Variants in LHFPL3 observed in about 807,000 individuals in gnomAD.
LHFPL3 encodes LHFPL tetraspan subfamily member 3.
Under a neutral mutation model 19.3 loss-of-function variants are expected in LHFPL3, and 5 were observed. That is an observed-to-expected ratio of 0.26 (90% confidence interval 0.14 to 0.54). The LOEUF (loss-of-function observed/expected upper bound fraction) is 0.54. LHFPL3 is among the 20% of genes least tolerant of loss of function. The pLI is 0.94. For synonymous variants in LHFPL3, 133 were observed against 126.2 expected (o/e 1.05, Z -0.36); for missense variants, 249 against 307.4 (o/e 0.81, Z 1.42).
chr7:104,666,474 A>C (rs566696363), intron 1 of LHFPL3, among the ~76,000 whole-genome samples: 26 of 141,400 alleles, frequency 1.8e-4, no homozygotes, highest in Non-Finnish European at 3.5e-4. Flanking sequence ...AATGACCTTC[A>C]GTTCCATTGA....
chr7:104,332,223 CT>C (rs1183733733), intron 1 of LHFPL3, among the ~76,000 whole-genome samples: 99 of 63,938 alleles, frequency 1.5e-3, no homozygotes, highest in African/African-American at 2.5e-3. Context: ...TATTTCTTTT[CT>C]TTTTTTTTTT....
At chr7:104,708,100 C>A (rs573967198) in intron 1 of LHFPL3, among the ~76,000 whole-genome samples, 1 of 152,182 alleles carries the variant, frequency 6.6e-6, no homozygotes, top group Non-Finnish European at 1.5e-5. Flanking sequence ...GCTTGTAGGG[C>A]TGGTGGAAAC....
At chr7:104,655,963 C>T (rs909171334) in intron 1 of LHFPL3, among the ~76,000 whole-genome samples, 1 of 152,074 alleles carries the variant, frequency 6.6e-6, no homozygotes, top group East Asian at 1.9e-4. Context: ...GAAAATGACT[C>T]GTAGGGCTTT....
Position 104,845,365 on chromosome 7 carries a change from T to C in LHFPL3, c.683-60822T>C, listed in dbSNP as rs145668161. On this transcript the variant is annotated intron_variant, in intron 2 of 2. Coordinates refer to ENST00000424859, the MANE Select transcript of LHFPL3 (RefSeq NM_199000.3). The stretch of plus-strand genomic sequence containing the variant: ...TTTTACCTTTAACCGTTCTGTTTTT[T>C]CCTCCCACACTCTCAGATGATGGAA... 4 of 1,437,944 alleles carry C rather than the reference T, an allele frequency of 2.8e-6. No homozygotes were observed. In the East Asian group the frequency reaches 9.9e-5, roughly 36 times the overall value. The allele number at this position is 1,437,944 out of a possible 1,614,324, so 89.1% of individuals were successfully genotyped here.
chr7:104,381,059 A>G (rs13241333), intron 1 of LHFPL3, among the ~76,000 whole-genome samples: 51,762 of 152,018 alleles, frequency 0.34, 9,163 homozygotes, highest in Admixed American at 0.49. Flanking sequence ...AATATAATCT[A>G]TGTCGCAAAA....
At chr7:104,375,563 A>G (rs1790698536) in intron 1 of LHFPL3, among the ~76,000 whole-genome samples, 1 of 152,228 alleles carries the variant, frequency 6.6e-6, no homozygotes, top group Non-Finnish European at 1.5e-5. Context: ...ATGAAAAGTA[A>G]TCAAAATAGT....
chr7:104,716,478 T>A (rs1374996766), intron 1 of LHFPL3, among the ~76,000 whole-genome samples: 1 of 152,158 alleles, frequency 6.6e-6, no homozygotes, highest in East Asian at 1.9e-4. Flanking sequence ...TCAGTAAAGC[T>A]GCAGTATACA....
intron 1 of LHFPL3, among the ~76,000 whole-genome samples, chr7:104,470,958 CAG>C (rs1324534240): frequency 5.9e-5 from 9 of 152,110 alleles, no homozygotes; most frequent in African/African-American, 1.2e-4. Context: ...CCCTAGCTCA[CAG>C]AGAGGTTATT....
intron 1 of LHFPL3, among the ~76,000 whole-genome samples, chr7:104,503,020 C>A (rs1793630157): frequency 6.6e-6 from 1 of 151,838 alleles, no homozygotes; most frequent in East Asian, 1.9e-4. Context: ...CTCGACCCAG[C>A]AATTTATTTC....
intron 2 of LHFPL3, chr7:104,799,956 G>A (rs897322734): frequency 1.3e-5 from 2 of 152,692 alleles, no homozygotes; most frequent in African/African-American, 2.4e-5. Context: ...CCTTCTTCCT[G>A]ACCCAAGCCT....
At position 104,632,819 on chromosome 7, in the gene LHFPL3, A is replaced by G. The variant is rs116827491; in HGVS notation, c.446-103856A>G. On this transcript the variant is annotated intron_variant, in intron 1 of 2. Transcript: ENST00000424859. The stretch of plus-strand genomic sequence containing the variant: ...GCAGCACCACACCCAAAAATACAGT[A>G]ATTTTTTGCATTTTCAGTAGAGATG... 2.6e-3 allele frequency among the ~76,000 whole-genome samples: 399 copies of G among 152,134 alleles called. 2 individuals are homozygous for G. The highest frequency in any genetic ancestry group is 9.2e-3 in the African/African-American group (383 of 41,510).
At chr7:104,704,035 G>T (rs759542339) in intron 1 of LHFPL3, among the ~76,000 whole-genome samples, 39 of 152,070 alleles carry the variant, frequency 2.6e-4, no homozygotes, top group Non-Finnish European at 5.0e-4. Flanking sequence ...TTTTTAAGCT[G>T]CTATAAGTTC....
intron 1 of LHFPL3, among the ~76,000 whole-genome samples, chr7:104,684,238 T>C (rs1049249806): frequency 6.6e-6 from 1 of 152,242 alleles, no homozygotes; most frequent in African/African-American, 2.4e-5. Flanking sequence ...CCCCAACCCC[T>C]GGCCCAACCA....
At chr7:104,433,615 G>A (rs1338566143) in intron 1 of LHFPL3, among the ~76,000 whole-genome samples, 2 of 152,048 alleles carry the variant, frequency 1.3e-5, no homozygotes, top group Non-Finnish European at 2.9e-5. Flanking sequence ...GCAAGCCTCC[G>A]TGTTTGCCTT....
chr7:104,401,691 T>C (rs1791314644), intron 1 of LHFPL3, among the ~76,000 whole-genome samples: 1 of 152,228 alleles, frequency 6.6e-6, no homozygotes, highest in South Asian at 2.1e-4. Flanking sequence ...ACTAGATTTA[T>C]TCTTAAAACA....
intron 1 of LHFPL3, among the ~76,000 whole-genome samples, chr7:104,518,778 CA>C (rs1793976126): frequency 6.8e-6 from 1 of 146,570 alleles, no homozygotes; most frequent in Non-Finnish European, 1.5e-5. Context: ...AGTGAGACTC[CA>C]TCTCAAAAAT....
chr7:104,777,753 C>CTTT (rs1013820511), intron 2 of LHFPL3, among the ~76,000 whole-genome samples: 1 of 146,040 alleles, frequency 6.8e-6, no homozygotes, highest in Admixed American at 6.9e-5. Flanking sequence ...TGATGAACTT[C>CTTT]TTTTTTTTTT....
At chr7:104,644,253 GGC>G (rs1027994108) in intron 1 of LHFPL3, among the ~76,000 whole-genome samples, 5 of 152,138 alleles carry the variant, frequency 3.3e-5, no homozygotes, top group Admixed American at 3.3e-4. Context: ...TCGATCCCAT[GGC>G]TATAGGTGCA....
At chr7:104,642,906 T>G (rs1791863703) in intron 1 of LHFPL3, among the ~76,000 whole-genome samples, 1 of 152,244 alleles carries the variant, frequency 6.6e-6, no homozygotes, top group Admixed American at 6.5e-5. Flanking sequence ...TGTGTTGTTG[T>G]TATTGTTTTA....
Sources: allele counts gnomAD v4.1 joint callset (sites outside exome capture counted in the v4.1 genomes callset), GRCh38; gene constraint gnomAD v4.1.1; transcripts MANE v1.5; gene names NCBI Gene and HGNC (gene_info 2026-07-23, HGNC 2026-07-21).